The following CLSPN variants were observed in gnomAD, a reference collection of about 807,000 sequenced individuals.
The protein encoded by CLSPN is claspin homolog.
Under a neutral mutation model 156.3 loss-of-function variants are expected in CLSPN, and 85 were observed. The ratio of observed to expected loss-of-function variants is 0.54; its 90% CI spans 0.46 to 0.65. CLSPN has a LOEUF of 0.65. CLSPN is among the 30% of genes least tolerant of loss of function. The pLI is 0.00. For missense variants in CLSPN, 1,407 were observed against 1,554.9 expected, an observed-to-expected ratio of 0.90 and a Z score of 1.60; for synonymous variants, 534 against 542.4, an observed-to-expected ratio of 0.98 and a Z score of 0.22.
At position 35,733,969 on chromosome 1, in the gene CLSPN, G is replaced by A; in HGVS notation, c.*2527C>T. 1 of 976,794 alleles carries A rather than the reference G, an allele frequency of 1.0e-6. No individual in the cohort carries two copies. Among genetic ancestry groups the A allele is most frequent in the Non-Finnish European group, 1.2e-6 (1 of 822,078 alleles). The allele number at this position is 976,794 out of a possible 1,614,324, so 60.5% of individuals were successfully genotyped here. ...CACTCTAACCTGGGCAACAGAATGA[G>A]ACTGTCTCTAAAAAATAAGTTTTTT... On this transcript the variant is annotated 3_prime_UTR_variant, in exon 25 of 25. Transcript: ENST00000318121.
intron 18 of CLSPN, among the ~76,000 whole-genome samples, chr1:35,742,218 A>G (rs1641719813): frequency 2.0e-5 from 3 of 152,310 alleles, no homozygotes; most frequent in South Asian, 2.1e-4. Context: ...GTGGCAAACT[A>G]TTAACTGACT....
chr1:35,737,507 C>T, intron 22 of CLSPN, 86 bp from the exon 23 acceptor site: 1 of 1,037,684 alleles, frequency 9.6e-7, no homozygotes, highest in Non-Finnish European at 1.5e-6. Context: ...AATCTTGTAA[C>T]TAAATCAATA....
At chr1:35,756,175 A>C (rs1642266178) in intron 8 of CLSPN, among the ~76,000 whole-genome samples, 1 of 152,212 alleles carries the variant, frequency 6.6e-6, no homozygotes, top group African/African-American at 2.4e-5. Context: ...GTATGTTTAC[A>C]TTGCAAACAA....
intron 24 of CLSPN, among the ~76,000 whole-genome samples, chr1:35,722,841 G>A (rs1641105924): frequency 1.3e-5 from 2 of 152,018 alleles, no homozygotes; most frequent in South Asian, 2.1e-4. Context: ...ATGTTGCCCA[G>A]GCTGGTCTCA....
chr1:35,732,361 T>TA lies in CLSPN; in HGVS notation c.*4134dup, dbSNP rs1051341949. ...GGAGATAAAAACCAAAAACACCCCC[T>TA]AAAAAGTCTCCCAGCCTGAGCATTA... is the stretch of plus-strand genomic sequence containing the variant. On this transcript the variant is annotated 3_prime_UTR_variant, in exon 25 of 25. Transcript: ENST00000318121. The TA allele has an allele frequency of 1.0e-6, 1 of 985,144 alleles. No homozygotes were observed. The highest frequency in any genetic ancestry group is 1.7e-5 in the African/African-American group (1 of 57,176). The allele number at this position is 985,144 out of a possible 1,614,324, so 61.0% of individuals were successfully genotyped here. A position where few individuals can be genotyped will look rare whatever the true frequency, so the allele number is the denominator to read the frequency against.
intron 16 of CLSPN, among the ~76,000 whole-genome samples, chr1:35,744,422 C>T (rs536969608): frequency 6.6e-6 from 1 of 152,134 alleles, no homozygotes; most frequent in Non-Finnish European, 1.5e-5. Flanking sequence ...CCACCTCAGC[C>T]CCCTGAATAG....
chr1:35,736,174 C>T lies in CLSPN; in HGVS notation c.*322G>A, dbSNP rs149381331. ...CAGAGATTGTGGTGAGCCGAGATCA[C>T]GCCACTGCACTCCAAGCTGGGCAAC... On this transcript the variant is annotated 3_prime_UTR_variant, in exon 25 of 25. Coordinates refer to ENST00000318121, the MANE Select transcript of CLSPN (RefSeq NM_022111.4). 28 of 858,420 alleles carry T rather than the reference C, an allele frequency of 3.3e-5. No individual in the cohort carries two copies. Among genetic ancestry groups the T allele is most frequent in the South Asian group, 3.2e-4 (6 of 18,586 alleles). 53.2% of individuals were successfully genotyped at this position (858,420 alleles called of 1,614,324 possible). A position where few individuals can be genotyped will look rare whatever the true frequency, so the allele number is the denominator to read the frequency against.
At chr1:35,762,654 C>A (rs952929606) in intron 4 of CLSPN, among the ~76,000 whole-genome samples, 173 bp from the exon 5 acceptor site, 1 of 152,080 alleles carries the variant, frequency 6.6e-6, no homozygotes, top group African/African-American at 2.4e-5. Flanking sequence ...AAAACAGATA[C>A]CTCAGATGGA....
At chr1:35,737,953 A>G in intron 22 of CLSPN, 39 bp downstream of exon 22, 1 of 1,181,414 alleles carries the variant, frequency 8.5e-7, no homozygotes, top group Non-Finnish European at 1.2e-6. Flanking sequence ...ACCACTAACA[A>G]TCCAGGGGGC....
chr1:35,728,918 TCAAACACACACACACACA>T (rs1365902697), downstream of CLSPN, among the ~76,000 whole-genome samples: 3 of 53,122 alleles, frequency 5.6e-5, no homozygotes, highest in African/African-American at 2.0e-4. Flanking sequence ...CACCCTCCCC[TCAAACACACACACACACA>T]CACACACACA....
intron 8 of CLSPN, 48 bp downstream of exon 8, chr1:35,760,294 T>A: frequency 6.9e-7 from 1 of 1,450,450 alleles, no homozygotes; most frequent in Non-Finnish European, 9.4e-7. Flanking sequence ...AATCAAAAGC[T>A]ACCAGGATAA....
In CLSPN at chr1:35,763,265, G is replaced by A. The variant is rs748636018; in HGVS notation, c.639C>T (p.Asp213=). The change falls in exon 4 of 25, where the codon GAC becomes GAT. Residue 213 remains aspartate, a synonymous_variant. Transcript: ENST00000318121. ...CATCCTCCAACCCAGTTTCAAAAAG[G>A]TCTTTATCCACAAGAAGACAGCCAC... ...NDSGCLLVDK[D]LFETGLEDEN... 6.2e-7 allele frequency: 1 copy of A among 1,607,268 alleles called. No individual in the cohort carries two copies. The highest frequency in any genetic ancestry group is 1.3e-5 in the African/African-American group (1 of 74,500).
intron 9 of CLSPN, among the ~76,000 whole-genome samples, chr1:35,752,253 T>C (rs531907692): frequency 1.3e-5 from 2 of 152,262 alleles, no homozygotes; most frequent in African/African-American, 4.8e-5. Flanking sequence ...TCATGTTGTA[T>C]TCATTCAATG....
chr1:35,761,291 A>G, intron 6 of CLSPN, 87 bp from the exon 7 acceptor site: 1 of 829,262 alleles, frequency 1.2e-6, no homozygotes, highest in Non-Finnish European at 1.9e-6. Flanking sequence ...ATAATAACCA[A>G]AGCCATCACT....
intron 24 of CLSPN, among the ~76,000 whole-genome samples, chr1:35,726,152 C>CAAA (rs3041363): frequency 0.07 from 3,382 of 48,018 alleles, 505 homozygotes; most frequent in African/African-American, 0.11. Context: ...CAGATGCAGA[C>CAAA]AAAAAAAAAA....
intron 10 of CLSPN, among the ~76,000 whole-genome samples, chr1:35,750,051 C>T (rs151334720): frequency 6.3e-4 from 96 of 151,532 alleles, no homozygotes; most frequent in African/African-American, 2.1e-3. Flanking sequence ...TTATAAAGGA[C>T]GACTGGATTA....
intron 8 of CLSPN, 54 bp downstream of exon 8, chr1:35,760,288 A>G: frequency 2.1e-6 from 3 of 1,422,456 alleles, no homozygotes; most frequent in South Asian, 2.6e-5. Flanking sequence ...GTCAATAATC[A>G]AAAGCTACCA....
chr1:35,751,601 G>T (rs1389948190), intron 9 of CLSPN, 95 bp from the exon 10 acceptor site: 18 of 1,467,174 alleles, frequency 1.2e-5, no homozygotes, highest in Non-Finnish European at 1.6e-5. Context: ...CATCCCAAAA[G>T]GAAAATCTGA....
chr1:35,748,084 C>A (rs371661095), intron 13 of CLSPN, 23 bp from the exon 14 acceptor site: 3 of 1,589,932 alleles, frequency 1.9e-6, no homozygotes, highest in Non-Finnish European at 2.6e-6. Flanking sequence ...CAAAAACAAA[C>A]AATAACAAAA....
Sources: gnomAD v4.1 joint callset for allele counts (sites outside exome capture counted in the v4.1 genomes callset) on GRCh38, gnomAD v4.1.1 for gene constraint, MANE v1.5 for transcripts, NCBI Gene and HGNC (gene_info 2026-07-23, HGNC 2026-07-21) for gene names.